CTNNA2: variants seen among roughly 807,000 people sequenced by gnomAD.
CTNNA2 encodes catenin alpha-2.
Under a neutral mutation model 101.0 loss-of-function variants are expected in CTNNA2, and 42 were observed. The observed-to-expected ratio is 0.42, with a 90% CI of 0.32 to 0.54. The LOEUF (loss-of-function observed/expected upper bound fraction) is 0.54, where lower values mean the gene tolerates loss of function less well. Ranked by LOEUF, CTNNA2 falls within the 20% of genes least tolerant of loss-of-function variation. The pLI is 0.14. For missense variants in CTNNA2, 871 were observed against 1,223.1 expected, an observed-to-expected ratio of 0.71 and a Z score of 4.29; for synonymous variants, 450 against 456.4, an observed-to-expected ratio of 0.99 and a Z score of 0.18.
chr2:79,745,589 C>T (rs1005144853), intron 3 of CTNNA2, among the ~76,000 whole-genome samples: 1 of 152,108 alleles, frequency 6.6e-6, no homozygotes, highest in Non-Finnish European at 1.5e-5. Context: ...TTTCCCATAT[C>T]CTCCTCCCTG....
At chr2:80,379,563 T>A (rs1388102001) in intron 7 of CTNNA2, among the ~76,000 whole-genome samples, 2 of 152,162 alleles carry the variant, frequency 1.3e-5, no homozygotes, top group African/African-American at 4.8e-5. Context: ...TTGGTTCTAT[T>A]TCAGGTGTAC....
intron 7 of CTNNA2, among the ~76,000 whole-genome samples, chr2:79,940,806 C>A (rs535392177): frequency 6.6e-6 from 1 of 152,104 alleles, no homozygotes; most frequent in Non-Finnish European, 1.5e-5. Context: ...TATTTTATAA[C>A]AAAATGTTAA....
At chr2:80,168,159 G>A (rs546893307) in intron 7 of CTNNA2, among the ~76,000 whole-genome samples, 1 of 152,182 alleles carries the variant, frequency 6.6e-6, no homozygotes, top group East Asian at 1.9e-4. Context: ...CAGTACCAGA[G>A]GAAAGGAGCA....
intron 7 of CTNNA2, among the ~76,000 whole-genome samples, chr2:80,162,082 T>A (rs1420131675): frequency 6.6e-6 from 1 of 152,162 alleles, no homozygotes; most frequent in Middle Eastern, 3.2e-3. Flanking sequence ...TTTTAGACTG[T>A]CAACCTGGAT....
At chr2:80,002,743 T>C (rs1291857625) in intron 7 of CTNNA2, among the ~76,000 whole-genome samples, 1 of 152,146 alleles carries the variant, frequency 6.6e-6, no homozygotes, top group Non-Finnish European at 1.5e-5. Context: ...ATCAATCAAG[T>C]ATATATTCCT....
chr2:80,464,290 T>G (rs1168573626), intron 9 of CTNNA2, among the ~76,000 whole-genome samples: 1 of 152,194 alleles, frequency 6.6e-6, no homozygotes, highest in African/African-American at 2.4e-5. Context: ...CCAAATAATT[T>G]ACGGGTTCTT....
intron 4 of CTNNA2, among the ~76,000 whole-genome samples, chr2:79,417,859 G>C (rs1383127705): frequency 6.6e-6 from 1 of 152,020 alleles, no homozygotes; most frequent in African/African-American, 2.4e-5. Flanking sequence ...GGTTCTTCCT[G>C]CCTACTGCAC....
At chr2:79,387,229 G>A (rs182970568) in intron 4 of CTNNA2, among the ~76,000 whole-genome samples, 130 of 152,280 alleles carry the variant, frequency 8.5e-4, no homozygotes, top group Non-Finnish European at 1.4e-3. Flanking sequence ...TTACCTTTCT[G>A]CGCTCTGGGC....
chr2:80,261,715 A>G (rs770713035), intron 7 of CTNNA2, among the ~76,000 whole-genome samples: 5 of 152,202 alleles, frequency 3.3e-5, no homozygotes, highest in Admixed American at 1.3e-4. Context: ...AGGGCAAATA[A>G]ATAGTGATTT....
chr2:80,093,278 G>A (rs959425095), intron 7 of CTNNA2, among the ~76,000 whole-genome samples: 30 of 151,714 alleles, frequency 2.0e-4, no homozygotes, highest in Non-Finnish European at 4.4e-4. Flanking sequence ...CCTTGCGATA[G>A]TTTGCTGAGA....
rs1682083791 is a variant in CTNNA2, at chr2:79,662,178, C to A, written c.102+10520C>A. ...CTGTTTGCTGACATGCACACAATTC[C>A]TAAACAAATCCCTTGACATTCAAAT... On this transcript the variant is annotated intron_variant, in intron 2 of 18. Transcript: ENST00000402739. Among the ~76,000 whole-genome samples, 3 of 151,886 alleles carry A rather than the reference C, an allele frequency of 2.0e-5. No individual in the cohort carries two copies. The South Asian group carries it at 6.2e-4, about 32-fold the overall frequency.
At chr2:79,909,543 C>T in intron 6 of CTNNA2, 51 bp from the exon 7 acceptor site, 1 of 1,493,220 alleles carries the variant, frequency 6.7e-7, no homozygotes, top group Admixed American at 1.9e-5. Context: ...GGTGCCAAGG[C>T]AGACCTCTCT....
At chr2:80,142,842 A>G (rs1703095130) in intron 7 of CTNNA2, among the ~76,000 whole-genome samples, 1 of 151,886 alleles carries the variant, frequency 6.6e-6, no homozygotes, top group Non-Finnish European at 1.5e-5. Flanking sequence ...TCTCCCTTGG[A>G]CAACCTTGTA....
At chr2:80,590,794 T>A (rs216633) in intron 15 of CTNNA2, among the ~76,000 whole-genome samples, 79,963 of 151,964 alleles carry the variant, frequency 0.53, 21,332 homozygotes, top group East Asian at 0.65. Context: ...TAGAAGTTCA[T>A]ATTTGTACAT....
intron 1 of CTNNA2, among the ~76,000 whole-genome samples, chr2:79,574,358 A>AC (rs1467249615): frequency 1.3e-5 from 2 of 151,494 alleles, no homozygotes; most frequent in African/African-American, 4.8e-5. Context: ...TTCAGTCCTC[A>AC]CCCCCCTTCC....
At chr2:80,261,336 C>G (rs757664470) in intron 7 of CTNNA2, among the ~76,000 whole-genome samples, 1 of 151,884 alleles carries the variant, frequency 6.6e-6, no homozygotes, top group Non-Finnish European at 1.5e-5. Flanking sequence ...GGTTACAGAA[C>G]CCCGTAAAAG....
intron 10 of CTNNA2, 42 bp from the exon 11 acceptor site, chr2:80,545,865 A>G: frequency 6.3e-7 from 1 of 1,599,818 alleles, no homozygotes; most frequent in Non-Finnish European, 8.5e-7. Flanking sequence ...CCTCTTTTGA[A>G]GTGTGTGGTC....
chr2:80,527,072 T>G (rs547151387), intron 9 of CTNNA2, among the ~76,000 whole-genome samples: 2 of 152,242 alleles, frequency 1.3e-5, no homozygotes, highest in Non-Finnish European at 2.9e-5. Flanking sequence ...CTCAGGAGAA[T>G]GTGCTTTTTG....
chr2:79,895,750 G>A (rs1684668508), intron 6 of CTNNA2, among the ~76,000 whole-genome samples: 1 of 149,992 alleles, frequency 6.7e-6, no homozygotes, highest in African/African-American at 2.5e-5. Context: ...TCGTAAGGGA[G>A]AGGATTTTGG....
Sources: gnomAD v4.1 joint callset for allele counts (sites outside exome capture counted in the v4.1 genomes callset) on GRCh38, gnomAD v4.1.1 for gene constraint, MANE v1.5 for transcripts, NCBI Gene and HGNC (gene_info 2026-07-23, HGNC 2026-07-21) for gene names.